Variants in PCYT1B observed in about 807,000 individuals in gnomAD.
The protein encoded by PCYT1B is phosphate cytidylyltransferase 1B, choline.
In PCYT1B, 10 loss-of-function variants were observed where a neutral mutation model predicts 26.4. The observed-to-expected ratio is 0.38, with a 90% CI of 0.23 to 0.64. The LOEUF (loss-of-function observed/expected upper bound fraction) is 0.64, where lower values mean the gene tolerates loss of function less well. Ranked by LOEUF, PCYT1B falls within the 30% of genes least tolerant of loss-of-function variation. PCYT1B has a pLI of 0.56. For missense variants in PCYT1B, 161 were observed against 292.7 expected (o/e 0.55, Z 3.28); for synonymous variants, 131 against 108.4 (o/e 1.21, Z -1.29).
chrX:24,632,896 T>C (rs1256193613), intron 1 of PCYT1B, among the ~76,000 whole-genome samples: 1 of 111,619 alleles, frequency 9.0e-6, no homozygotes, highest in Non-Finnish European at 1.9e-5. Flanking sequence ...TTAACAACAA[T>C]GTATTATATA....
chrX:24,652,197 A>G (rs1304767454), upstream of PCYT1B, among the ~76,000 whole-genome samples: 1 of 112,476 alleles, frequency 8.9e-6, no homozygotes, highest in Admixed American at 9.4e-5. Context: ...CTGTTTATTG[A>G]GTACCTCTTA....
chrX:24,653,009 CAGG>C (rs1926817455), intron 1 of PCYT1B, among the ~76,000 whole-genome samples: 2 of 111,143 alleles, frequency 1.8e-5, no homozygotes, highest in African/African-American at 6.5e-5. Context: ...CGCTTGAACC[CAGG>C]AGGAGGAGGA....
At chrX:24,663,032 G>T (rs1401792974) in intron 1 of PCYT1B, among the ~76,000 whole-genome samples, 2 of 112,089 alleles carry the variant, frequency 1.8e-5, no homozygotes, top group Non-Finnish European at 3.8e-5. Flanking sequence ...AGGTTGAGAA[G>T]CTCTAGATGA....
chrX:24,635,387 A>G lies in PCYT1B; in HGVS notation c.117+11602T>C, dbSNP rs1253374348. Among the ~76,000 whole-genome samples, 4 of 112,525 alleles carry G rather than the reference A, an allele frequency of 3.6e-5. No homozygotes were observed. In the Admixed American group the frequency reaches 3.8e-4, roughly 11 times the overall value. On this transcript the variant is annotated intron_variant, in intron 1 of 7. Coordinates refer to ENST00000379144, the MANE Select transcript of PCYT1B (RefSeq NM_004845.5). Reference sequence around the variant, plus strand: ...AAAACATTGTTGAAGATTGAAAGAAACAAGCATTAGAACAAATTATGCAGT... The same window carrying G: ...AAAACATTGTTGAAGATTGAAAGAAGCAAGCATTAGAACAAATTATGCAGT...
intron 1 of PCYT1B, among the ~76,000 whole-genome samples, chrX:24,626,332 A>G (rs1436649530): frequency 8.9e-6 from 1 of 112,213 alleles, no homozygotes; most frequent in Non-Finnish European, 1.9e-5. Flanking sequence ...GAACATTTCT[A>G]TCATCACAGA....
intron 1 of PCYT1B, among the ~76,000 whole-genome samples, chrX:24,660,678 C>CAAAAA (rs35663098): frequency 3.1e-5 from 2 of 63,932 alleles, no homozygotes; most frequent in African/African-American, 1.2e-4. Flanking sequence ...AACTCTATCT[C>CAAAAA]AAAAAAAAAA....
At chrX:24,652,380 G>A (rs1030729868) in intron 1 of PCYT1B, among the ~76,000 whole-genome samples, 5 of 110,531 alleles carry the variant, frequency 4.5e-5, no homozygotes, top group Non-Finnish European at 9.5e-5. Flanking sequence ...CCAACATAGC[G>A]AATCCCCGTC....
chrX:24,605,718 A>G (rs2148245086), intron 3 of PCYT1B, among the ~76,000 whole-genome samples: 1 of 111,643 alleles, frequency 9.0e-6, no homozygotes, highest in Non-Finnish European at 1.9e-5. Context: ...TGAGGCCAGG[A>G]GTTCGAGACC....
At chrX:24,594,736 G>A (rs1201325930) in intron 3 of PCYT1B, among the ~76,000 whole-genome samples, 1 of 112,020 alleles carries the variant, frequency 8.9e-6, no homozygotes, top group African/African-American at 3.2e-5. Context: ...AATGCACTCT[G>A]ACAACCAGAT....
At chrX:24,652,234 G>A (rs1354144210), upstream of PCYT1B, among the ~76,000 whole-genome samples, 1 of 112,293 alleles carries the variant, frequency 8.9e-6, no homozygotes, top group African/African-American at 3.2e-5. Flanking sequence ...GTATTAGGTT[G>A]GTGCAAAAGT....
chrX:24,585,917 G>A (rs1924357465), intron 5 of PCYT1B, among the ~76,000 whole-genome samples: 1 of 110,727 alleles, frequency 9.0e-6, no homozygotes, highest in Non-Finnish European at 1.9e-5. Context: ...AACAGTATTT[G>A]GTTCCATGTA....
At chrX:24,600,773 G>A (rs2148241709) in intron 3 of PCYT1B, among the ~76,000 whole-genome samples, 1 of 111,298 alleles carries the variant, frequency 9.0e-6, no homozygotes, top group African/African-American at 3.3e-5. Context: ...TCAAGACAGT[G>A]TGGTATTGGC....
chrX:24,566,917 AAAG>A (rs1336159381), intron 7 of PCYT1B, among the ~76,000 whole-genome samples: 1 of 111,738 alleles, frequency 8.9e-6, no homozygotes, highest in Non-Finnish European at 1.9e-5. Flanking sequence ...AATTCTGCCA[AAAG>A]ATATCAAGCC....
chrX:24,579,498 A>G (rs1441273595), intron 5 of PCYT1B, 40 bp from the exon 6 acceptor site: 1 of 1,171,783 alleles, frequency 8.5e-7, no homozygotes, highest in Admixed American at 2.2e-5. Flanking sequence ...AAAAATTAAG[A>G]TCACCTCAGT....
chrX:24,576,955 G>C (rs1279359386), intron 6 of PCYT1B, among the ~76,000 whole-genome samples: 1 of 111,942 alleles, frequency 8.9e-6, no homozygotes, highest in Non-Finnish European at 1.9e-5. Flanking sequence ...AATGTTAGCT[G>C]TTGCCTTTAT....
At chrX:24,608,734 AT>A (rs1157282659) in intron 2 of PCYT1B, among the ~76,000 whole-genome samples, 1 of 111,782 alleles carries the variant, frequency 8.9e-6, no homozygotes, top group East Asian at 2.8e-4. Context: ...GGATAACACT[AT>A]TGCTCAGCCA....
intron 3 of PCYT1B, among the ~76,000 whole-genome samples, chrX:24,590,699 G>C (rs1278971588): frequency 9.1e-6 from 1 of 110,097 alleles, no homozygotes; most frequent in Non-Finnish European, 1.9e-5. Flanking sequence ...TGGATTGAGG[G>C]CCAGTCACTA....
chrX:24,567,071 C>T (rs1290938146), intron 7 of PCYT1B, among the ~76,000 whole-genome samples: 1 of 112,247 alleles, frequency 8.9e-6, no homozygotes, highest in Non-Finnish European at 1.9e-5. Flanking sequence ...TCTTGAACTT[C>T]TAGCAGGCAC....
chrX:24,604,972 A>T (rs1453755662), intron 3 of PCYT1B, among the ~76,000 whole-genome samples: 1 of 111,394 alleles, frequency 9.0e-6, no homozygotes, highest in African/African-American at 3.3e-5. Context: ...AATGCCCCTT[A>T]CACAGTGACC....
Sources: allele counts gnomAD v4.1 joint callset (sites outside exome capture counted in the v4.1 genomes callset), GRCh38; gene constraint gnomAD v4.1.1; transcripts MANE v1.5; gene names NCBI Gene and HGNC (gene_info 2026-07-23, HGNC 2026-07-21).